Variants in SNX29 observed in about 807,000 individuals in gnomAD.
SNX29 encodes sorting nexin 29.
In SNX29, 78 loss-of-function variants were observed where a neutral mutation model predicts 102.1. The ratio of observed to expected loss-of-function variants is 0.76; its 90% CI spans 0.64 to 0.92. The LOEUF is 0.92. Among genes scored for constraint, SNX29 ranks in the 40% least tolerant of loss-of-function variants. The probability of loss-of-function intolerance (pLI) is 0.00; values close to 1 mark genes in which losing one functional copy is unlikely to be tolerated. For missense variants in SNX29, 1,280 were observed against 1,061.7 expected, an observed-to-expected ratio of 1.21 and a Z score of -2.86; for synonymous variants, 580 against 414.5, an observed-to-expected ratio of 1.40 and a Z score of -4.85.
intron 15 of SNX29, among the ~76,000 whole-genome samples, chr16:12,303,109 T>G (rs1248241395): frequency 6.6e-6 from 1 of 152,228 alleles, no homozygotes. Context: ...TCTTTTGCAA[T>G]TTACCGTGAA....
chr16:12,154,510 A>G (rs1424079201), intron 13 of SNX29, among the ~76,000 whole-genome samples: 1 of 152,100 alleles, frequency 6.6e-6, no homozygotes, highest in Non-Finnish European at 1.5e-5. Context: ...CGCCCCTATT[A>G]GACTCAGAAT....
rs576627029 is a variant in SNX29 at position 12,567,294 on chromosome 16, C to A, written c.2319-1212C>A. Among the ~76,000 whole-genome samples, 4 of 150,928 alleles carry A rather than the reference C, an allele frequency of 2.7e-5. No individual in the cohort carries two copies. In the East Asian group the frequency reaches 7.7e-4, roughly 29 times the overall value. Reference sequence around the variant, plus strand: ...CAGTGGATCCAGGACTTACATCCAGCAAGCCACAGCAGCACAGAGGTGCTG... The same window carrying A: ...CAGTGGATCCAGGACTTACATCCAGAAAGCCACAGCAGCACAGAGGTGCTG... On this transcript the variant is annotated intron_variant, in intron 20 of 20. Coordinates refer to ENST00000566228, the MANE Select transcript of SNX29 (RefSeq NM_032167.5).
chr16:12,418,884 G>C (rs1007017325), intron 18 of SNX29, among the ~76,000 whole-genome samples: 1 of 152,160 alleles, frequency 6.6e-6, no homozygotes, highest in African/African-American at 2.4e-5. Context: ...AGTCAGCCCA[G>C]AAGTCCCCTT....
intron 15 of SNX29, among the ~76,000 whole-genome samples, chr16:12,330,190 T>A (rs2081253670): frequency 6.6e-6 from 1 of 152,166 alleles, no homozygotes; most frequent in African/African-American, 2.4e-5. Flanking sequence ...GGGACAGAGA[T>A]GTGCTCAGGA....
At chr16:12,458,864 A>G (rs1567584510) in intron 18 of SNX29, among the ~76,000 whole-genome samples, 1 of 152,228 alleles carries the variant, frequency 6.6e-6, no homozygotes, top group Non-Finnish European at 1.5e-5. Context: ...ATACTGGCCC[A>G]ATCAGATTCT....
Position 12,502,517 on chromosome 16 carries a change from TC to T in SNX29, c.2179-22184del, listed in dbSNP as rs563585740. Among the ~76,000 whole-genome samples the T allele has an allele frequency of 2.8e-4, 43 of 152,228 alleles. 1 individual carries two copies. In the East Asian group the frequency reaches 8.3e-3, roughly 29 times the overall value. ...GAATGCCACCCCCCAACTCTGACTC[TC>T]ATCAGCTTCCCCACGGTGGCCGGGG... On this transcript the variant is annotated intron_variant, in intron 19 of 20. Coordinates refer to ENST00000566228, the MANE Select transcript of SNX29 (RefSeq NM_032167.5).
At chr16:12,005,465 G>A (rs549254461) in intron 3 of SNX29, among the ~76,000 whole-genome samples, 4 of 152,290 alleles carry the variant, frequency 2.6e-5, no homozygotes, top group African/African-American at 9.6e-5. Context: ...GGACACCAAA[G>A]CTTCCAGTGC....
intron 20 of SNX29, among the ~76,000 whole-genome samples, chr16:12,540,621 A>G (rs746765757): frequency 6.6e-6 from 1 of 152,110 alleles, no homozygotes; most frequent in African/African-American, 2.4e-5. Flanking sequence ...GGTGGACCTA[A>G]AGAGTCCAGG....
intron 18 of SNX29, among the ~76,000 whole-genome samples, chr16:12,410,304 C>G (rs2084348478): frequency 6.6e-6 from 1 of 151,470 alleles, no homozygotes; most frequent in Non-Finnish European, 1.5e-5. Flanking sequence ...GCGTTTTTTT[C>G]TTCTAGAATA....
intron 3 of SNX29, among the ~76,000 whole-genome samples, chr16:12,023,117 G>C (rs1311334399): frequency 1.3e-5 from 2 of 151,974 alleles, no homozygotes; most frequent in South Asian, 4.2e-4. Context: ...GGCTGGTCTC[G>C]AACTCCTGAC....
intron 3 of SNX29, among the ~76,000 whole-genome samples, chr16:12,019,255 TG>T (rs2056943369): frequency 6.6e-6 from 1 of 152,192 alleles, no homozygotes; most frequent in African/African-American, 2.4e-5. Flanking sequence ...TCACCCAGGC[TG>T]GAGTGCAGTG....
intron 15 of SNX29, among the ~76,000 whole-genome samples, chr16:12,290,276 C>T (rs758989516): frequency 1.3e-5 from 2 of 152,176 alleles, no homozygotes; most frequent in African/African-American, 2.4e-5. Context: ...CTCAAATGCA[C>T]GTGTTCTCAC....
chr16:12,573,492 C>G lies in SNX29; in HGVS notation c.*4863C>G. 4.5e-6 allele frequency: 1 copy of G among 224,614 alleles called. No homozygotes were observed. Among genetic ancestry groups the G allele is most frequent in the East Asian group, 6.5e-5 (1 of 15,404 alleles). 13.9% of individuals were successfully genotyped at this position (224,614 alleles called of 1,614,324 possible). Reference sequence around the variant, plus strand: ...CGCTGCTGGCGGAAGATTCTAGATTCACTGGTGGTTTAAGAGGCCCAGGGA... The same window carrying G: ...CGCTGCTGGCGGAAGATTCTAGATTGACTGGTGGTTTAAGAGGCCCAGGGA... On this transcript the variant is annotated 3_prime_UTR_variant, in exon 21 of 21. Transcript: ENST00000566228.
intron 18 of SNX29, among the ~76,000 whole-genome samples, chr16:12,459,778 A>G (rs560186001): frequency 3.9e-5 from 6 of 152,266 alleles, no homozygotes; most frequent in Non-Finnish European, 5.9e-5. Context: ...GCCCCTCAGG[A>G]GGCCCAGCAG....
intron 3 of SNX29, among the ~76,000 whole-genome samples, chr16:12,013,500 A>AAAAAATACAT: frequency 3.2e-5 from 1 of 31,634 alleles, no homozygotes; most frequent in African/African-American, 9.8e-5. Flanking sequence ...AAAAAAAAAA[A>AAAAAATACAT]ATATATATAT....
intron 18 of SNX29, among the ~76,000 whole-genome samples, chr16:12,419,580 C>G (rs2084789688): frequency 6.7e-6 from 1 of 150,264 alleles, no homozygotes; most frequent in Non-Finnish European, 1.5e-5. Context: ...CCCCATCTTT[C>G]TGTCGATTTG....
intron 19 of SNX29, among the ~76,000 whole-genome samples, chr16:12,519,959 G>A (rs1351235509): frequency 1.3e-5 from 2 of 151,984 alleles, no homozygotes; most frequent in East Asian, 3.9e-4. Context: ...ACTCCAGCCT[G>A]GGCGACAGAG....
intron 18 of SNX29, among the ~76,000 whole-genome samples, chr16:12,474,708 T>C (rs1051698382): frequency 2.6e-5 from 4 of 152,224 alleles, no homozygotes; most frequent in Non-Finnish European, 4.4e-5. Context: ...CAATTTATCA[T>C]TGGAGGCTTT....
At chr16:12,415,225 C>G (rs2084579020) in intron 18 of SNX29, among the ~76,000 whole-genome samples, 1 of 152,250 alleles carries the variant, frequency 6.6e-6, no homozygotes, top group Non-Finnish European at 1.5e-5. Context: ...GTTGGAAGTC[C>G]TTTCTGCAAG....
Sources: allele counts gnomAD v4.1 joint callset (sites outside exome capture counted in the v4.1 genomes callset), GRCh38; gene constraint gnomAD v4.1.1; transcripts MANE v1.5; gene names NCBI Gene and HGNC (gene_info 2026-07-23, HGNC 2026-07-21).